Variants in PPP1R26 observed in about 807,000 individuals in gnomAD.
PPP1R26 encodes the protein 1A6/DRIM (down-regulated in metastasis) interacting protein.
A neutral mutation model predicts 67.6 loss-of-function variants in PPP1R26; 22 were observed. The ratio of observed to expected loss-of-function variants is 0.33; its 90% CI spans 0.23 to 0.46. The LOEUF (loss-of-function observed/expected upper bound fraction) is 0.46. Among genes scored for constraint, PPP1R26 ranks in the 20% least tolerant of loss-of-function variants. The pLI, the probability that PPP1R26 is intolerant of heterozygous loss-of-function variation, is 1.00. For synonymous variants in PPP1R26, 729 were observed against 717.2 expected (o/e 1.02, Z -0.26); for missense variants, 1,602 against 1,651.4 (o/e 0.97, Z 0.52).
In PPP1R26 at chr9:135,484,303, G is replaced by A. The variant is rs531889329; in HGVS notation, c.-62-146G>A. ...CCAGGAGCATGAGTAAGTCGTGCAA[G>A]GACACCCAGCTAGCTGGACGTTGGG... On this transcript the variant is annotated intron_variant, in intron 3 of 3. Coordinates refer to ENST00000356818, the MANE Select transcript of PPP1R26 (RefSeq NM_014811.5). 8 of 579,920 alleles carry A rather than the reference G, an allele frequency of 1.4e-5. 1 individual carries two copies. In the East Asian group the frequency reaches 2.0e-4, roughly 15 times the overall value. 35.9% of individuals were successfully genotyped at this position (579,920 alleles called of 1,614,324 possible). A position where few individuals can be genotyped will look rare whatever the true frequency, so the allele number is the denominator to read the frequency against.
intron 2 of PPP1R26, 93 bp from the exon 3 acceptor site, chr9:135,483,857 T>C (rs1478851400): frequency 1.0e-5 from 4 of 395,800 alleles, no homozygotes; most frequent in Non-Finnish European, 1.8e-5. Context: ...ACATTTGACA[T>C]TTAACATAGA....
At position 135,487,202 on chromosome 9, in the gene PPP1R26, G is replaced by T. The variant is rs1296917157; in HGVS notation, c.2692G>T (p.Val898Phe). The T allele has an allele frequency of 1.9e-6, 3 of 1,601,316 alleles. No individual in the cohort carries two copies. In the East Asian group the frequency reaches 6.7e-5, roughly 36 times the overall value. Reference sequence around the variant, plus strand: ...CACACGCAGCCAGAGGGCCAGGGGGGTCCCACATCTGGCCGAAGGGCTTCG... The same window carrying T: ...CACACGCAGCCAGAGGGCCAGGGGGTTCCCACATCTGGCCGAAGGGCTTCG... ...VCTRSQRARG[V>F]PHLAEGLRGT... is the part of the protein sequence containing the mutation. The change falls in exon 4 of 4, where the codon GTC becomes TTC. Residue 898 changes from valine to phenylalanine, a missense_variant. By Grantham distance (50) the Val-to-Phe change is conservative. Transcript: ENST00000356818.
At position 135,487,838 on chromosome 9, in the gene PPP1R26, C is replaced by T. The variant is rs1356167009; in HGVS notation, c.3328C>T (p.Pro1110Ser). ...CCTCTTCAGCCCCCACCTGGGGCTGCCTCTGCAGGGCCCCTCCTTCTCGGC... is the reference window on the plus strand; with the variant it reads ...CCTCTTCAGCCCCCACCTGGGGCTGTCTCTGCAGGGCCCCTCCTTCTCGGC... ...AGLFSPHLGL[P>S]LQGPSFSAFR... Residue 1110 changes from proline (P) to serine (S), a missense_variant, in exon 4 of 4, where the codon CCT (proline) becomes TCT (serine). Transcript: ENST00000356818. The T allele has an allele frequency of 2.5e-6, 4 of 1,594,490 alleles. No individual in the cohort carries two copies. The highest frequency in any genetic ancestry group is 3.4e-6 in the Non-Finnish European group (4 of 1,172,632).
In PPP1R26 at chr9:135,485,340, G is replaced by A. The variant is rs201645627; in HGVS notation, c.830G>A (p.Arg277Gln). The A allele has an allele frequency of 5.1e-5, 83 of 1,612,896 alleles. No individual in the cohort carries two copies. Among genetic ancestry groups the A allele is most frequent in the Admixed American group, 6.7e-5 (4 of 60,008 alleles). The change falls in exon 4 of 4, where the codon CGG (arginine) becomes CAG (glutamine). Residue 277 changes from arginine (R) to glutamine (Q), a missense_variant. Arg to Gln is a conservative substitution (Grantham distance 43). Coordinates refer to ENST00000356818, the MANE Select transcript of PPP1R26 (RefSeq NM_014811.5). The surrounding 1 kb of genome is among the most constrained non-coding windows in gnomAD (Gnocchi z 7.2). The stretch of plus-strand genomic sequence containing the variant: ...GAGCCGCCTACAAAGGTGGTGCATC[G>A]GCAGGGCCTGCTGGGCGTCCAGAAG... The part of the protein sequence containing the change: ...HQEPPTKVVH[R>Q]QGLLGVQKEF...
Position 135,486,296 on chromosome 9 carries a change from C to T in PPP1R26, c.1786C>T (p.Arg596Cys), listed in dbSNP as rs1391858070. Residue 596 changes from arginine (R) to cysteine (C), a missense_variant, in exon 4 of 4, where the codon CGT becomes TGT. Coordinates refer to ENST00000356818, the MANE Select transcript of PPP1R26 (RefSeq NM_014811.5). The surrounding 1 kb of genome is among the most constrained non-coding windows in gnomAD (Gnocchi z 6.2). ...PDPLLGCKRK[R>C]RGGGHVRPST... ...CCCACTGCTGGGCTGCAAAAGGAAG[C>T]GTAGAGGTGGTGGCCATGTGAGGCC... 2.5e-6 allele frequency: 4 copies of T among 1,612,834 alleles called. No individual in the cohort carries two copies. The highest frequency in any genetic ancestry group is 2.2e-5 in the East Asian group (1 of 44,876).
rs1267378413 is a variant in PPP1R26 at position 135,486,301 on chromosome 9, A to G, written c.1791A>G (p.Arg597=). ...TGCTGGGCTGCAAAAGGAAGCGTAG[A>G]GGTGGTGGCCATGTGAGGCCATCCA... ...DPLLGCKRKR[R]GGGHVRPSTP... Residue 597 remains arginine, a synonymous_variant, in exon 4 of 4, where the codon AGA becomes AGG. Transcript: ENST00000356818. The surrounding 1 kb of genome is among the most constrained non-coding windows in gnomAD (Gnocchi z 6.2). 1.2e-6 allele frequency: 2 copies of G among 1,612,862 alleles called. No homozygotes were observed. The highest frequency in any genetic ancestry group is 4.5e-5 in the East Asian group (2 of 44,878).
intron 2 of PPP1R26, 71 bp from the exon 3 acceptor site, chr9:135,483,879 A>G: frequency 2.5e-6 from 1 of 398,098 alleles, no homozygotes; most frequent in South Asian, 1.3e-4. Flanking sequence ...AGGGTTTAGT[A>G]AAAGCAGCCC....
chr9:135,486,616 G>T lies in PPP1R26; in HGVS notation c.2106G>T (p.Arg702Ser), dbSNP rs745512822. ...ACACAGCCATCAAGGACTTGTTAAG[G>T]TCCAAGCGAAAGCTCAAGAAGAGGT... ...DLDTAIKDLLRSKRKLKKRCR... is the reference protein window; with the variant it reads ...DLDTAIKDLLSSKRKLKKRCR... Residue 702 changes from arginine (R) to serine (S), a missense_variant, in exon 4 of 4, where the codon AGG (arginine) becomes AGT (serine). By Grantham distance (110) the Arg-to-Ser change is moderately radical (BLOSUM62 -1). Coordinates refer to ENST00000356818, the MANE Select transcript of PPP1R26 (RefSeq NM_014811.5). This position sits in a 1 kb window ranked among gnomAD's most constrained non-coding sequence, Gnocchi z 6.2. 3.2e-5 allele frequency: 51 copies of T among 1,612,422 alleles called. No homozygotes were observed. The Middle Eastern group carries it at 1.1e-3, about 35-fold the overall frequency.
Position 135,485,337 on chromosome 9 carries a change from A to C in PPP1R26, c.827A>C (p.His276Pro). 1.9e-6 allele frequency: 3 copies of C among 1,612,922 alleles called. No homozygotes were observed. The highest frequency in any genetic ancestry group is 2.5e-6 in the Non-Finnish European group (3 of 1,179,960). ...SHQEPPTKVV[H>P]RQGLLGVQKE... Reference sequence around the variant, plus strand: ...CAAGAGCCGCCTACAAAGGTGGTGCATCGGCAGGGCCTGCTGGGCGTCCAG... The same window carrying C: ...CAAGAGCCGCCTACAAAGGTGGTGCCTCGGCAGGGCCTGCTGGGCGTCCAG... The change falls in exon 4 of 4, where the codon CAT becomes CCT. Residue 276 changes from histidine to proline, a missense_variant. Around this residue, in one of 5 missense-constraint regions of PPP1R26, gnomAD observed 680 missense variants for 726.1 expected, o/e 0.94. Transcript: ENST00000356818. This position sits in a 1 kb window ranked among gnomAD's most constrained non-coding sequence, Gnocchi z 7.2.
At position 135,488,265 on chromosome 9, in the gene PPP1R26, T is replaced by C. The variant is rs1830844823; in HGVS notation, c.*125T>C. The C allele has an allele frequency of 7.9e-7, 1 of 1,272,454 alleles. No individual in the cohort carries two copies. The highest frequency in any genetic ancestry group is 3.6e-5 in the Admixed American group (1 of 27,520). The allele number at this position is 1,272,454 out of a possible 1,614,324, so 78.8% of individuals were successfully genotyped here. Reference sequence around the variant, plus strand: ...ACAGTCTATTATACATAGCCCTGTATATATGTACACCAACATGAAACTTTT... The same window carrying C: ...ACAGTCTATTATACATAGCCCTGTACATATGTACACCAACATGAAACTTTT... On this transcript the variant is annotated 3_prime_UTR_variant, in exon 4 of 4. Transcript: ENST00000356818.
Position 135,483,592 on chromosome 9 carries a change from G to A in PPP1R26, c.-195-358G>A, listed in dbSNP as rs80279080. 6.4e-3 allele frequency: 1,064 copies of A among 166,832 alleles called. 19 individuals carry two copies. Among genetic ancestry groups the A allele is most frequent in the East Asian group, 0.049 (281 of 5,770 alleles). 10.3% of individuals were successfully genotyped at this position (166,832 alleles called of 1,614,324 possible). A position where few individuals can be genotyped will look rare whatever the true frequency, so the allele number is the denominator to read the frequency against. ...CAATGTGTTAAGAATGAATAGCTGC[G>A]CAGTATCCCTGGTATTGTTCTAAGT... On this transcript the variant is annotated intron_variant, in intron 2 of 3. Transcript: ENST00000356818.
Position 135,487,045 on chromosome 9 carries a change from G to A in PPP1R26, c.2535G>A (p.Leu845=), listed in dbSNP as rs754312190. 1.2e-6 allele frequency: 2 copies of A among 1,611,192 alleles called. No individual in the cohort carries two copies. Among genetic ancestry groups the A allele is most frequent in the East Asian group, 4.5e-5 (2 of 44,870 alleles). Reference sequence around the variant, plus strand: ...TCGAACTGGAGATTAGGAAGTTTTTGGCGGAAAAGGCCAAGGAGTCAGTGA... The same window carrying A: ...TCGAACTGGAGATTAGGAAGTTTTTAGCGGAAAAGGCCAAGGAGTCAGTGA... ...DSIELEIRKF[L]AEKAKESVSS... Residue 845 remains leucine, a synonymous_variant, in exon 4 of 4, where the codon TTG becomes TTA. Transcript: ENST00000356818.
Position 135,487,515 on chromosome 9 carries a change from G to A in PPP1R26, c.3005G>A (p.Gly1002Glu). The A allele has an allele frequency of 6.2e-7, 1 of 1,604,650 alleles. No homozygotes were observed. The highest frequency in any genetic ancestry group is 1.1e-5 in the South Asian group (1 of 90,240). ...AGAGGAACCTTTCACATGGGCTGCG[G>A]GAGCCCGAGCTTCCTGACCCCCAGC... ...GARGTFHMGC[G>E]SPSFLTPSPG... The change falls in exon 4 of 4, where the codon GGG becomes GAG. Residue 1002 changes from glycine (G) to glutamate (E), a missense_variant. Transcript: ENST00000356818.
chr9:135,484,961 G>C lies in PPP1R26; in HGVS notation c.451G>C (p.Gly151Arg), dbSNP rs757134095. ...LKAKSGAAQP[G>R]AGGAQPGAAQ... Reference sequence around the variant, plus strand: ...GGCAAAGAGTGGAGCCGCACAGCCCGGGGCCGGCGGGGCCCAGCCAGGTGC... The same window carrying C: ...GGCAAAGAGTGGAGCCGCACAGCCCCGGGCCGGCGGGGCCCAGCCAGGTGC... Residue 151 changes from glycine (G) to arginine (R), a missense_variant, in exon 4 of 4, where the codon GGG becomes CGG. Around this residue, in one of 5 missense-constraint regions of PPP1R26, gnomAD observed 680 missense variants for 726.1 expected, o/e 0.94. Coordinates refer to ENST00000356818, the MANE Select transcript of PPP1R26 (RefSeq NM_014811.5). 1 of 1,577,208 alleles carries C rather than the reference G, an allele frequency of 6.3e-7. No individual in the cohort carries two copies. The highest frequency in any genetic ancestry group is 8.6e-7 in the Non-Finnish European group (1 of 1,162,910).
In PPP1R26 at chr9:135,480,348, G is replaced by T. The variant is rs374025505; in HGVS notation, c.-329+326G>T. The T allele has an allele frequency of 6.6e-5, 10 of 152,138 alleles. No homozygotes were observed. In the East Asian group the frequency reaches 1.9e-3, roughly 30 times the overall value. The allele number at this position is 152,138 out of a possible 1,614,324, so 9.4% of individuals were successfully genotyped here. Reference sequence around the variant, plus strand: ...TGCCCTCCGAGAATGGCCGCGGCCCGGCCGGCCTGGAGACTGCGGTTCACG... The same window carrying T: ...TGCCCTCCGAGAATGGCCGCGGCCCTGCCGGCCTGGAGACTGCGGTTCACG... On this transcript the variant is annotated intron_variant, in intron 1 of 3. Transcript: ENST00000356818.
chr9:135,481,379 T>G (rs1830516043), intron 1 of PPP1R26, among the ~76,000 whole-genome samples: 2 of 151,744 alleles, frequency 1.3e-5, no homozygotes, highest in Admixed American at 6.6e-5. Context: ...TAGCTGGAAC[T>G]ACAGACGTGG....
Position 135,486,618 on chromosome 9 carries a change from C to G in PPP1R26, c.2108C>G (p.Ser703Cys). The change falls in exon 4 of 4, where the codon TCC becomes TGC. Residue 703 changes from serine (S) to cysteine (C), a missense_variant. Ser to Cys is a moderately radical substitution (Grantham distance 112). Coordinates refer to ENST00000356818, the MANE Select transcript of PPP1R26 (RefSeq NM_014811.5). The surrounding 1 kb of genome is among the most constrained non-coding windows in gnomAD (Gnocchi z 6.2). ...LDTAIKDLLR[S>C]KRKLKKRCRE... ...ACAGCCATCAAGGACTTGTTAAGGT[C>G]CAAGCGAAAGCTCAAGAAGAGGTGC... 1.2e-6 allele frequency: 2 copies of G among 1,612,354 alleles called. No homozygotes were observed. The highest frequency in any genetic ancestry group is 2.2e-5 in the South Asian group (2 of 91,004).
rs1247915603 is a variant in PPP1R26 at position 135,488,214 on chromosome 9, T to C, written c.*74T>C. 1 of 1,457,050 alleles carries C rather than the reference T, an allele frequency of 6.9e-7. No homozygotes were observed. The highest frequency in any genetic ancestry group is 1.4e-5 in the African/African-American group (1 of 70,518). 90.3% of individuals were successfully genotyped at this position (1,457,050 alleles called of 1,614,324 possible). A position where few individuals can be genotyped will look rare whatever the true frequency, so the allele number is the denominator to read the frequency against. Reference sequence around the variant, plus strand: ...GCGGCGTAGCCGTGCGTGTGTGTGATGGTTCCGTGGCTGCAAGGAAGGGAA... The same window carrying C: ...GCGGCGTAGCCGTGCGTGTGTGTGACGGTTCCGTGGCTGCAAGGAAGGGAA... On this transcript the variant is annotated 3_prime_UTR_variant, in exon 4 of 4. Coordinates refer to ENST00000356818, the MANE Select transcript of PPP1R26 (RefSeq NM_014811.5).
At position 135,488,414 on chromosome 9, in the gene PPP1R26, T is replaced by C. The variant is rs757636770; in HGVS notation, c.*274T>C. Reference sequence around the variant, plus strand: ...TTTGTAGGGTGTTCCTAACTGCAGTTTTCTGTGTTCTGCATACAAGTCTTA... The same window carrying C: ...TTTGTAGGGTGTTCCTAACTGCAGTCTTCTGTGTTCTGCATACAAGTCTTA... On this transcript the variant is annotated 3_prime_UTR_variant, in exon 4 of 4. Transcript: ENST00000356818. The C allele has an allele frequency of 1.3e-5, 5 of 378,092 alleles. No individual in the cohort carries two copies. The highest frequency in any genetic ancestry group is 2.2e-5 in the Non-Finnish European group (5 of 229,828). The allele number at this position is 378,092 out of a possible 1,614,324, so 23.4% of individuals were successfully genotyped here. A position where few individuals can be genotyped will look rare whatever the true frequency, so the allele number is the denominator to read the frequency against.
Sources: gnomAD v4.1 joint callset for allele counts (sites outside exome capture counted in the v4.1 genomes callset) on GRCh38, gnomAD v4.1.1 for gene constraint, gnomAD v4.1.1 regional missense constraint, Gnocchi (gnomAD v3.1) non-coding constraint, MANE v1.5 for transcripts, NCBI Gene and HGNC (gene_info 2026-07-23, HGNC 2026-07-21) for gene names.